The following DDX43 variants were observed in gnomAD, a reference collection of about 807,000 sequenced individuals.
The protein encoded by DDX43 is DEAD-box helicase 43.
A neutral mutation model predicts 84.9 loss-of-function variants in DDX43; 50 were observed. The ratio of observed to expected loss-of-function variants is 0.59; its 90% CI spans 0.47 to 0.75. The LOEUF (loss-of-function observed/expected upper bound fraction) is 0.75. Ranked by LOEUF, DDX43 falls within the 30% of genes least tolerant of loss-of-function variation. The pLI, the probability that DDX43 is intolerant of heterozygous loss-of-function variation, is 0.00. For synonymous variants in DDX43, 291 were observed against 266.3 expected, an observed-to-expected ratio of 1.09 and a Z score of -0.90; for missense variants, 689 against 798.6, an observed-to-expected ratio of 0.86 and a Z score of 1.65.
Position 73,394,914 on chromosome 6 carries a change from C to T in DDX43, c.9C>T (p.His3=), listed in dbSNP as rs1228630761. 1 of 1,614,062 alleles carries T rather than the reference C, an allele frequency of 6.2e-7. No individual in the cohort carries two copies. Residue 3 remains histidine (H), a synonymous_variant, in exon 1 of 17, where the codon CAC becomes CAT. Transcript: ENST00000370336. MS[H]HGGAPKASTW... is the part of the protein sequence containing the mutation. ...CGCCCCTTCTTGGAACAATGTCCCA[C>T]CACGGAGGAGCTCCCAAGGCCTCTA...
chr6:73,409,343 G>A lies in DDX43; in HGVS notation c.1275G>A (p.Met425Ile). 1 of 1,611,376 alleles carries A rather than the reference G, an allele frequency of 6.2e-7. No homozygotes were observed. Among genetic ancestry groups the A allele is most frequent in the Non-Finnish European group, 8.5e-7 (1 of 1,177,554 alleles). ...LDVRPDRQTV[M>I]TSATWPHSVH... ...TGCGCCCAGATAGGCAGACAGTTAT[G>A]ACCAGGTACGTATATGCTTAATTAC... The change falls in exon 10 of 17, where the codon ATG (methionine) becomes ATA (isoleucine). Residue 425 changes from methionine (M) to isoleucine (I), a missense_variant. Met to Ile is a conservative substitution (Grantham distance 10). Around this residue, in one of 2 missense-constraint regions of DDX43, gnomAD observed 552 missense variants for 692.7 expected, o/e 0.80. Coordinates refer to ENST00000370336, the MANE Select transcript of DDX43 (RefSeq NM_018665.3).
rs147995667 is a variant in DDX43, at chr6:73,395,710, T to C, written c.250+555T>C. On this transcript the variant is annotated intron_variant, in intron 1 of 16. Coordinates refer to ENST00000370336, the MANE Select transcript of DDX43 (RefSeq NM_018665.3). ...CAACTCCTAGAAGACTTATGAAATC[T>C]TAGGGCTGAAGAGGGATGCTTAGAA... Among the ~76,000 whole-genome samples the C allele has an allele frequency of 2.0e-5, 3 of 151,958 alleles. No individual in the cohort carries two copies. In the East Asian group the frequency reaches 5.8e-4, roughly 29 times the overall value.
At position 73,404,809 on chromosome 6, in the gene DDX43, A is replaced by G. The variant is rs768249569; in HGVS notation, c.650+38A>G. The G allele has an allele frequency of 6.7e-6, 10 of 1,498,592 alleles. No individual in the cohort carries two copies. The Admixed American group carries it at 1.8e-4, about 27-fold the overall frequency. 92.8% of individuals were successfully genotyped at this position (1,498,592 alleles called of 1,614,324 possible). ...ATTACCTAGTTGTGTAAGTATTTGT[A>G]TAGTTACGTTATTGGTATTAACACT... is the stretch of plus-strand genomic sequence containing the variant. On this transcript the variant is annotated intron_variant, in intron 5 of 16. Transcript: ENST00000370336.
intron 1 of DDX43, among the ~76,000 whole-genome samples, chr6:73,396,150 G>T (rs561047084): frequency 6.6e-6 from 1 of 151,862 alleles, no homozygotes; most frequent in African/African-American, 2.4e-5. Context: ...GTAAAGATGA[G>T]GTTTCACCAT....
chr6:73,407,752 TAATCAGTC>T (rs1769710718), intron 8 of DDX43, 137 bp downstream of exon 8: 1 of 788,426 alleles, frequency 1.3e-6, no homozygotes, highest in Non-Finnish European at 2.1e-6. Context: ...AGCACTACTC[TAATCAGTC>T]AGAGCCTGGG....
chr6:73,403,207 G>T (rs139631047), intron 4 of DDX43, among the ~76,000 whole-genome samples: 1 of 152,124 alleles, frequency 6.6e-6, no homozygotes, highest in Non-Finnish European at 1.5e-5. Context: ...AGTGGCTCAC[G>T]CCTGTAATCC....
Position 73,395,112 on chromosome 6 carries a change from G to A in DDX43, c.207G>A (p.Pro69=), listed in dbSNP as rs142414727. ...EAVAAGHEEL[P]LCFALKSHFV... ...TGGCCGCTGGTCACGAGGAACTGCC[G>A]CTGTGTTTTGCTTTGAAGAGCCACT... The change falls in exon 1 of 17, where the codon CCG becomes CCA. Residue 69 remains proline (P), a synonymous_variant. Coordinates refer to ENST00000370336, the MANE Select transcript of DDX43 (RefSeq NM_018665.3). 33 of 1,613,936 alleles carry A rather than the reference G, an allele frequency of 2.0e-5. No homozygotes were observed. Among genetic ancestry groups the A allele is most frequent in the Non-Finnish European group, 2.8e-5 (33 of 1,179,940 alleles).
chr6:73,415,138 A>G (rs917073928), intron 14 of DDX43, among the ~76,000 whole-genome samples: 3 of 152,108 alleles, frequency 2.0e-5, no homozygotes, highest in Non-Finnish European at 1.5e-5. Flanking sequence ...TCTACTAAAA[A>G]TACAAAAAAT....
Position 73,417,549 on chromosome 6 carries a change from G to A in DDX43, c.*388G>A, listed in dbSNP as rs1158365193. 7 of 152,058 alleles carry A rather than the reference G, an allele frequency of 4.6e-5. No individual in the cohort carries two copies. Among genetic ancestry groups the A allele is most frequent in the East Asian group, 1.9e-4 (1 of 5,202 alleles). 9.4% of individuals were successfully genotyped at this position (152,058 alleles called of 1,614,324 possible). A position where few individuals can be genotyped will look rare whatever the true frequency, so the allele number is the denominator to read the frequency against. ...GAAAAAATACTGTTAATAAATGTTC[G>A]TTTCTGTGATAAAAAGACAAGTTGA... is the stretch of plus-strand genomic sequence containing the variant. On this transcript the variant is annotated 3_prime_UTR_variant, in exon 17 of 17. Coordinates refer to ENST00000370336, the MANE Select transcript of DDX43 (RefSeq NM_018665.3).
chr6:73,405,426 A>G (rs1769657317), intron 5 of DDX43, among the ~76,000 whole-genome samples: 1 of 152,234 alleles, frequency 6.6e-6, no homozygotes, highest in African/African-American at 2.4e-5. Flanking sequence ...CAGGCTCCTC[A>G]TCTTTGATCC....
chr6:73,412,694 C>A (rs560006366), intron 11 of DDX43, among the ~76,000 whole-genome samples: 1 of 127,024 alleles, frequency 7.9e-6, no homozygotes, highest in African/African-American at 3.0e-5. Context: ...TGTGTGTGCG[C>A]GTGCGTGCGC....
chr6:73,407,547 T>A lies in DDX43; in HGVS notation c.969T>A (p.Thr323=). 6.2e-7 allele frequency: 1 copy of A among 1,614,044 alleles called. No individual in the cohort carries two copies. Among genetic ancestry groups the A allele is most frequent in the Non-Finnish European group, 8.5e-7 (1 of 1,179,898 alleles). ...ATAGACCCGGCATGTTAGTTCTAAC[T>A]CCCACTCGGGAATTAGCACTTCAAG... ...QRNRPGMLVL[T]PTRELALQVE... is the part of the protein sequence containing the mutation. Residue 323 remains threonine (T), a synonymous_variant, in exon 8 of 17, where the codon ACT becomes ACA. Coordinates refer to ENST00000370336, the MANE Select transcript of DDX43 (RefSeq NM_018665.3).
At chr6:73,408,677 C>T (rs865977359) in intron 9 of DDX43, among the ~76,000 whole-genome samples, 9 of 152,026 alleles carry the variant, frequency 5.9e-5, no homozygotes, top group Non-Finnish European at 1.2e-4. Context: ...CTGCCTCAGC[C>T]TTCCAAGTAG....
intron 9 of DDX43, 28 bp downstream of exon 9, chr6:73,408,129 G>T: frequency 6.2e-7 from 1 of 1,609,248 alleles, no homozygotes; most frequent in Non-Finnish European, 8.5e-7. Flanking sequence ...GGTTTGAGAT[G>T]CTGGGTTCAA....
chr6:73,405,010 T>C (rs746026696), intron 5 of DDX43, among the ~76,000 whole-genome samples: 2 of 152,178 alleles, frequency 1.3e-5, no homozygotes, highest in Non-Finnish European at 2.9e-5. Context: ...GCTGGTGTAA[T>C]TGAGCAAATG....
intron 2 of DDX43, among the ~76,000 whole-genome samples, chr6:73,399,208 A>G (rs1387258838): frequency 1.3e-5 from 2 of 152,136 alleles, no homozygotes; most frequent in African/African-American, 2.4e-5. Context: ...CAGCCTCCCA[A>G]AGTGCTGGGA....
In DDX43 at chr6:73,412,668, T is replaced by TGTGCGCGC. The variant is rs538597626; in HGVS notation, c.1368+377_1368+378insTGCGCGCG. Reference sequence around the variant, plus strand: ...GTGTGTGTGTGTGTGTGTGTGTGTGTGCGCGCGCGCGTGTGTGTGTGTGCG... The same window carrying TGTGCGCGC: ...GTGTGTGTGTGTGTGTGTGTGTGTGTGTGCGCGCGCGCGCGCGCGTGTGTGTGTGTGCG... On this transcript the variant is annotated intron_variant, in intron 11 of 16. Transcript: ENST00000370336. 3.6e-3 allele frequency among the ~76,000 whole-genome samples: 388 copies of TGTGCGCGC among 108,412 alleles called. 8 individuals carry two copies. The highest frequency in any genetic ancestry group is 5.1e-3 in the Non-Finnish European group (278 of 54,720). 71.1% of individuals were successfully genotyped at this position (108,412 alleles called of 152,430 possible).
chr6:73,401,832 A>G (rs754601050), intron 3 of DDX43, 27 bp from the exon 4 acceptor site: 4 of 1,569,290 alleles, frequency 2.5e-6, no homozygotes, highest in South Asian at 1.2e-5. Flanking sequence ...ATAGAAAAAA[A>G]CTAATCGATA....
Position 73,416,245 on chromosome 6 carries a change from G to T in DDX43, c.*19G>T, listed in dbSNP as rs1275671394. ...TCATTAATGTCTTCTGTACTAGTGG[G>T]GTAGAGGTAAAAGTTCAATAACATA... On this transcript the variant is annotated 3_prime_UTR_variant, in exon 16 of 17. Coordinates refer to ENST00000370336, the MANE Select transcript of DDX43 (RefSeq NM_018665.3). 3.8e-6 allele frequency: 5 copies of T among 1,324,576 alleles called. No homozygotes were observed. Among genetic ancestry groups the T allele is most frequent in the Admixed American group, 1.7e-5 (1 of 57,742 alleles). The allele number at this position is 1,324,576 out of a possible 1,614,324, so 82.1% of individuals were successfully genotyped here.
Sources: allele counts gnomAD v4.1 joint callset (sites outside exome capture counted in the v4.1 genomes callset), GRCh38; gene constraint gnomAD v4.1.1; regional missense constraint gnomAD v4.1.1; transcripts MANE v1.5; gene names NCBI Gene and HGNC (gene_info 2026-07-23, HGNC 2026-07-21).